The following KLF12 variants were observed in gnomAD, a reference collection of about 807,000 sequenced individuals.
KLF12 encodes the protein KLF transcription factor 12.
Under a neutral mutation model 37.8 loss-of-function variants are expected in KLF12, and 9 were observed. The observed-to-expected ratio is 0.24, with a 90% CI of 0.14 to 0.42. The LOEUF (loss-of-function observed/expected upper bound fraction) is 0.42. Among genes scored for constraint, KLF12 ranks in the 10% least tolerant of loss-of-function variants. KLF12 has a pLI of 1.00. For synonymous variants in KLF12, 208 were observed against 202.1 expected, an observed-to-expected ratio of 1.03 and a Z score of -0.25; for missense variants, 411 against 516.0, an observed-to-expected ratio of 0.80 and a Z score of 1.97.
chr13:73,747,357 A>C (rs1212793875), intron 6 of KLF12, among the ~76,000 whole-genome samples: 2 of 152,192 alleles, frequency 1.3e-5, no homozygotes. Flanking sequence ...GAGAATATGC[A>C]AAAGGAAATG....
At chr13:74,037,203 CAAA>C (rs200460958) in intron 1 of KLF12, among the ~76,000 whole-genome samples, 6 of 69,766 alleles carry the variant, frequency 8.6e-5, no homozygotes, top group Admixed American at 1.5e-4. Context: ...ACTCCGTCTC[CAAA>C]AAAAAAAAAA....
chr13:73,859,901 T>C (rs1885825658), intron 3 of KLF12, among the ~76,000 whole-genome samples: 1 of 151,190 alleles, frequency 6.6e-6, no homozygotes, highest in Admixed American at 6.6e-5. Flanking sequence ...TCACCACAAA[T>C]GTAATTTCTT....
intron 5 of KLF12, among the ~76,000 whole-genome samples, chr13:73,803,512 G>T (rs1882392341): frequency 1.3e-5 from 2 of 151,872 alleles, no homozygotes; most frequent in Non-Finnish European, 2.9e-5. Context: ...CATCCTTCTT[G>T]CTTCACCACC....
upstream of KLF12, among the ~76,000 whole-genome samples, chr13:74,134,186 A>AG (rs546775182): frequency 0.16 from 16,913 of 103,802 alleles, 1,232 homozygotes; most frequent in Middle Eastern, 0.22. Flanking sequence ...GGGTGCTGTG[A>AG]GGGGGGGGGC....
intron 5 of KLF12, among the ~76,000 whole-genome samples, chr13:73,778,003 G>A (rs199608648): frequency 7.3e-5 from 11 of 150,244 alleles, no homozygotes; most frequent in Non-Finnish European, 5.9e-5. Flanking sequence ...GCATGGTGGC[G>A]CATGCCTGTA....
intron 1 of KLF12, among the ~76,000 whole-genome samples, chr13:74,003,489 A>ATT (rs1892332985): frequency 1.3e-5 from 2 of 152,228 alleles, no homozygotes; most frequent in Admixed American, 6.5e-5. Flanking sequence ...GGAAATAATA[A>ATT]AAGCAATTCT....
chr13:73,894,982 T>C (rs1276443452), intron 3 of KLF12, among the ~76,000 whole-genome samples: 2 of 152,218 alleles, frequency 1.3e-5, no homozygotes, highest in Non-Finnish European at 2.9e-5. Flanking sequence ...TTAATCCTCC[T>C]ATATTTCTTG....
intron 2 of KLF12, among the ~76,000 whole-genome samples, chr13:73,963,714 T>C (rs1027833653): frequency 2.0e-5 from 3 of 152,242 alleles, no homozygotes; most frequent in African/African-American, 2.4e-5. Context: ...TTTTCAATAC[T>C]AACTTCAGAA....
At chr13:73,839,560 A>C (rs890783892) in intron 4 of KLF12, among the ~76,000 whole-genome samples, 2 of 152,172 alleles carry the variant, frequency 1.3e-5, no homozygotes, top group African/African-American at 2.4e-5. Flanking sequence ...AAAAATGTTG[A>C]TCTTATAATT....
chr13:73,792,192 A>G (rs1048603761), intron 5 of KLF12, among the ~76,000 whole-genome samples: 1 of 152,142 alleles, frequency 6.6e-6, no homozygotes, highest in Non-Finnish European at 1.5e-5. Context: ...TAACCCACCA[A>G]TGTATACTCA....
chr13:73,777,810 T>A lies in KLF12; in HGVS notation c.807-12810A>T, dbSNP rs189499668. ...TAGGTAATCTTTCCCTTCCTCCTCT[T>A]TCCCTCCCTTACTCTGTCTTTTTTT... On this transcript the variant is annotated intron_variant, in intron 5 of 7. Transcript: ENST00000377669. 3.0e-4 allele frequency among the ~76,000 whole-genome samples: 45 copies of A among 151,992 alleles called. No homozygotes were observed. The East Asian group carries it at 5.3e-3, about 18-fold the overall frequency.
chr13:73,867,136 A>C (rs1886214466), intron 3 of KLF12, among the ~76,000 whole-genome samples: 1 of 152,200 alleles, frequency 6.6e-6, no homozygotes, highest in Non-Finnish European at 1.5e-5. Flanking sequence ...GCAATTAAGT[A>C]GTCTAGTTTT....
chr13:74,100,247 T>C (rs770928590), intron 1 of KLF12, among the ~76,000 whole-genome samples: 6 of 152,112 alleles, frequency 3.9e-5, no homozygotes, highest in Non-Finnish European at 8.8e-5. Flanking sequence ...ACCAACAGAA[T>C]AGGTGGAGGC....
rs532851970 is a variant in KLF12 at position 73,805,761 on chromosome 13, C to T, written c.806+7391G>A. Among the ~76,000 whole-genome samples, 4 of 151,836 alleles carry T rather than the reference C, an allele frequency of 2.6e-5. No individual in the cohort carries two copies. The East Asian group carries it at 7.8e-4, about 30-fold the overall frequency. On this transcript the variant is annotated intron_variant, in intron 5 of 7. Coordinates refer to ENST00000377669, the MANE Select transcript of KLF12 (RefSeq NM_007249.5). ...CACAAGTTTTATGCGTATTGGAGTC[C>T]AAAGCTAAAAAATTCTGCTAATTTA...
chr13:73,953,987 T>C (rs1014594771), intron 2 of KLF12, among the ~76,000 whole-genome samples: 1 of 140,168 alleles, frequency 7.1e-6, no homozygotes, highest in African/African-American at 2.7e-5. Flanking sequence ...TTTTTTTTTT[T>C]TTTTTTTTTG....
At chr13:74,208,051 G>GA in the KLF12 span, among the ~76,000 whole-genome samples, 2 of 152,094 alleles carry the variant, frequency 1.3e-5, no homozygotes, top group Non-Finnish European at 2.9e-5. Context: ...CAGAATGAAG[G>GA]AAAAAATGCA....
intron 3 of KLF12, among the ~76,000 whole-genome samples, chr13:73,851,321 G>A (rs117480800): frequency 6.6e-6 from 1 of 152,142 alleles, no homozygotes; most frequent in African/African-American, 2.4e-5. Context: ...AGTGTTTACT[G>A]AACCAAATAA....
chr13:74,214,579 G>A, the KLF12 span, among the ~76,000 whole-genome samples: 38 of 152,012 alleles, frequency 2.5e-4, no homozygotes, highest in Non-Finnish European at 4.4e-4. Flanking sequence ...ATGTGAAGGC[G>A]TTGCATTATC....
chr13:73,918,865 G>A (rs1887346), intron 3 of KLF12, among the ~76,000 whole-genome samples: 36,002 of 151,964 alleles, frequency 0.24, 4,781 homozygotes, highest in East Asian at 0.51. Context: ...AATGTTGCTC[G>A]GTTTACTCTT....
Sources: allele counts gnomAD v4.1 joint callset (sites outside exome capture counted in the v4.1 genomes callset), GRCh38; gene constraint gnomAD v4.1.1; transcripts MANE v1.5; gene names NCBI Gene and HGNC (gene_info 2026-07-23, HGNC 2026-07-21).